Variants in ELOVL2 observed in about 807,000 individuals in gnomAD.
The protein encoded by ELOVL2 is ELOVL fatty acid elongase 2.
A neutral mutation model predicts 37.7 loss-of-function variants in ELOVL2; 38 were observed. The observed-to-expected ratio is 1.01, with a 90% CI of 0.78 to 1.32. The LOEUF (loss-of-function observed/expected upper bound fraction) is 1.32. ELOVL2 is among the 40% of genes most tolerant of loss of function. The probability of loss-of-function intolerance (pLI) is 0.00; values close to 1 mark genes in which losing one functional copy is unlikely to be tolerated. For missense variants in ELOVL2, 352 were observed against 363.6 expected (o/e 0.97, Z 0.26); for synonymous variants, 115 against 122.3 (o/e 0.94, Z 0.40).
chr6:11,034,045 A>C (rs1212901090), intron 1 of ELOVL2, among the ~76,000 whole-genome samples: 2 of 152,230 alleles, frequency 1.3e-5, no homozygotes, highest in East Asian at 3.8e-4. Flanking sequence ...ACAATTAGTA[A>C]GAAGTGGAGT....
chr6:10,990,673 C>CTG (rs5874300), intron 5 of ELOVL2, among the ~76,000 whole-genome samples: 4 of 150,570 alleles, frequency 2.7e-5, no homozygotes, highest in Non-Finnish European at 5.9e-5. Flanking sequence ...GAATGCCCCC[C>CTG]CCCCGCCACA....
chr6:11,005,821 T>C (rs1782472765), intron 2 of ELOVL2, among the ~76,000 whole-genome samples: 1 of 152,216 alleles, frequency 6.6e-6, no homozygotes. Context: ...TGACAGTTCT[T>C]GAATGCCTAT....
chr6:10,985,384 T>A (rs1310876914), intron 7 of ELOVL2, among the ~76,000 whole-genome samples: 1 of 149,554 alleles, frequency 6.7e-6, no homozygotes, highest in African/African-American at 2.5e-5. Context: ...CATTTGTCAA[T>A]TTTGGCTTTT....
chr6:11,030,632 C>T (rs1477177796), intron 1 of ELOVL2, among the ~76,000 whole-genome samples: 1 of 151,996 alleles, frequency 6.6e-6, no homozygotes, highest in Non-Finnish European at 1.5e-5. Context: ...GCTGGGTATA[C>T]AGGCGCCCGC....
chr6:10,994,245 T>C (rs932302485), intron 5 of ELOVL2, among the ~76,000 whole-genome samples: 1 of 151,790 alleles, frequency 6.6e-6, no homozygotes, highest in African/African-American at 2.4e-5. Context: ...GGCGGGTGGA[T>C]TGCCTGAGAT....
chr6:11,011,894 C>T (rs74579959), intron 1 of ELOVL2, among the ~76,000 whole-genome samples: 2,828 of 152,202 alleles, frequency 0.019, 83 homozygotes, highest in African/African-American at 0.064. Flanking sequence ...CCAGTATTTC[C>T]AGGAAGGTGG....
chr6:10,999,867 T>C (rs1302346572), intron 4 of ELOVL2, among the ~76,000 whole-genome samples: 2 of 152,314 alleles, frequency 1.3e-5, no homozygotes, highest in East Asian at 3.9e-4. Context: ...CTCACTCCAC[T>C]TGGTAGAGGC....
chr6:11,021,916 G>T (rs1476617692), intron 1 of ELOVL2, among the ~76,000 whole-genome samples: 1 of 152,146 alleles, frequency 6.6e-6, no homozygotes, highest in African/African-American at 2.4e-5. Context: ...CTCATCCTAA[G>T]GAGGTGCGTT....
Position 11,010,685 on chromosome 6 carries a change from A to G in ELOVL2, c.67+61T>C, listed in dbSNP as rs144520968. ...ACCAGAAATAACATAATCCCTTTCT[A>G]TAACTAAATGGTGTTCTTCCTGTGT... is the stretch of plus-strand genomic sequence containing the variant. On this transcript the variant is annotated intron_variant, in intron 2 of 7. Transcript: ENST00000354666. 4.2e-5 allele frequency: 55 copies of G among 1,311,486 alleles called. No individual in the cohort carries two copies. The African/African-American group carries it at 5.1e-4, about 12-fold the overall frequency. The allele number at this position is 1,311,486 out of a possible 1,614,324, so 81.2% of individuals were successfully genotyped here.
rs993313013 is a variant in ELOVL2 at position 10,984,606 on chromosome 6, C to T, written c.766-700G>A. 1.2e-4 allele frequency among the ~76,000 whole-genome samples: 18 copies of T among 146,588 alleles called. No individual in the cohort carries two copies. In the South Asian group the frequency reaches 2.9e-3, roughly 23 times the overall value. On this transcript the variant is annotated intron_variant, in intron 7 of 7. Coordinates refer to ENST00000354666, the MANE Select transcript of ELOVL2 (RefSeq NM_017770.4). The stretch of plus-strand genomic sequence containing the variant: ...ATTCCCACCTATGAGTGAGAACATG[C>T]GGTGTTTGGTTTTTTGTTCTTGCGA...
At chr6:10,993,895 TG>T (rs1782214077) in intron 5 of ELOVL2, among the ~76,000 whole-genome samples, 1 of 108,126 alleles carries the variant, frequency 9.2e-6, no homozygotes, top group South Asian at 3.4e-4. Flanking sequence ...TTGGTAGAGA[TG>T]GGATTTTGCC....
Position 10,995,160 on chromosome 6 carries a change from A to G in ELOVL2, c.352T>C (p.Trp118Arg). Residue 118 changes from tryptophan (W) to arginine (R), a missense_variant, in exon 5 of 8, where the codon TGG (tryptophan) becomes CGG (arginine). By Grantham distance (101) the Trp-to-Arg change is moderately radical (BLOSUM62 -3). Coordinates refer to ENST00000354666, the MANE Select transcript of ELOVL2 (RefSeq NM_017770.4). ...ADIRVAKVLW[W>R]YYFSKSVEFL... is the part of the protein sequence containing the mutation. ...TCTACTGATTTGGAGAAATAGTACC[A>G]CCAAAGCACCTTGGCTACCTATAGA... 3 of 1,608,334 alleles carry G rather than the reference A, an allele frequency of 1.9e-6. No individual in the cohort carries two copies. Among genetic ancestry groups the G allele is most frequent in the Non-Finnish European group, 2.5e-6 (3 of 1,177,642 alleles).
intron 1 of ELOVL2, among the ~76,000 whole-genome samples, chr6:11,013,643 T>C (rs1404586328): frequency 1.3e-5 from 2 of 151,900 alleles, no homozygotes; most frequent in African/African-American, 2.4e-5. Context: ...AAGTGAGACA[T>C]AGAAAGTCAA....
intron 4 of ELOVL2, among the ~76,000 whole-genome samples, chr6:10,997,012 A>G (rs903437823): frequency 3.9e-5 from 6 of 152,058 alleles, no homozygotes; most frequent in African/African-American, 1.4e-4. Context: ...CTCTGTCTCA[A>G]AAAAAAGGTC....
chr6:11,037,635 T>C (rs1192141826), intron 1 of ELOVL2, among the ~76,000 whole-genome samples: 1 of 152,128 alleles, frequency 6.6e-6, no homozygotes, highest in Admixed American at 6.6e-5. Flanking sequence ...TGCTCATTTA[T>C]AGGCAGTGAG....
intron 7 of ELOVL2, among the ~76,000 whole-genome samples, chr6:10,985,793 C>T (rs1467583438): frequency 6.6e-6 from 1 of 152,100 alleles, no homozygotes; most frequent in African/African-American, 2.4e-5. Context: ...ATGCCTCCAA[C>T]TTTGTTCTTT....
chr6:11,010,864 G>C, intron 1 of ELOVL2, 55 bp from the exon 2 acceptor site: 1 of 1,421,786 alleles, frequency 7.0e-7, no homozygotes, highest in Non-Finnish European at 9.7e-7. Flanking sequence ...TTTTTGAAAC[G>C]GTCAAAACAA....
rs1026631869 is a variant in ELOVL2, at chr6:11,010,022, T to A, written c.67+724A>T. ...GCCCCGGGCAGAGAAAGCGCACACA[T>A]CTTTTTTTTTTTTTTTTTTGAGACA... On this transcript the variant is annotated intron_variant, in intron 2 of 7. Coordinates refer to ENST00000354666, the MANE Select transcript of ELOVL2 (RefSeq NM_017770.4). Among the ~76,000 whole-genome samples, 36 of 139,434 alleles carry A rather than the reference T, an allele frequency of 2.6e-4. No homozygotes were observed. The South Asian group carries it at 6.5e-3, about 25-fold the overall frequency. The allele number at this position is 139,434 out of a possible 152,430, so 91.5% of individuals were successfully genotyped here.
At chr6:10,998,000 T>C (rs1172768735) in intron 4 of ELOVL2, among the ~76,000 whole-genome samples, 3 of 152,172 alleles carry the variant, frequency 2.0e-5, no homozygotes, top group Non-Finnish European at 4.4e-5. Context: ...TGGGTCACGG[T>C]GGCAGATCCC....
Sources: gnomAD v4.1 joint callset for allele counts (sites outside exome capture counted in the v4.1 genomes callset) on GRCh38, gnomAD v4.1.1 for gene constraint, MANE v1.5 for transcripts, NCBI Gene and HGNC (gene_info 2026-07-23, HGNC 2026-07-21) for gene names.